Variants in AIG1 observed in about 807,000 individuals in gnomAD.
AIG1 encodes androgen-induced gene 1 protein.
A neutral mutation model predicts 31.4 loss-of-function variants in AIG1; 23 were observed. The observed-to-expected ratio is 0.73, with a 90% CI of 0.53 to 1.04. The LOEUF is 1.04. Among genes scored for constraint, AIG1 ranks in the 50% least tolerant of loss-of-function variants. AIG1 has a pLI of 0.00. For missense variants in AIG1, 274 were observed against 295.0 expected, an observed-to-expected ratio of 0.93 and a Z score of 0.52; for synonymous variants, 100 against 110.5, an observed-to-expected ratio of 0.90 and a Z score of 0.60.
intron 3 of AIG1, among the ~76,000 whole-genome samples, chr6:143,181,913 A>G (rs1366305666): frequency 6.6e-6 from 1 of 152,238 alleles, no homozygotes; most frequent in African/African-American, 2.4e-5. Flanking sequence ...ATGTTCTAGC[A>G]TAAAGAAAGC....
At chr6:143,150,663 C>A (rs536471009) in intron 2 of AIG1, among the ~76,000 whole-genome samples, 1 of 151,936 alleles carries the variant, frequency 6.6e-6, no homozygotes, top group Non-Finnish European at 1.5e-5. Flanking sequence ...TTTGATGAAC[C>A]ACATTTGTGC....
At chr6:143,240,366 A>T (rs771440548) in intron 3 of AIG1, among the ~76,000 whole-genome samples, 2 of 152,244 alleles carry the variant, frequency 1.3e-5, no homozygotes, top group Non-Finnish European at 2.9e-5. Flanking sequence ...TATAACTTTT[A>T]TATGTTACAT....
Position 143,321,971 on chromosome 6 carries a change from G to A in AIG1, c.516-11311G>A, listed in dbSNP as rs910923524. Reference sequence around the variant, plus strand: ...TCTGACACCTTCTAGGCGCCAATACGTATTTGTTGAATGAAAAAAATATAT... The same window carrying A: ...TCTGACACCTTCTAGGCGCCAATACATATTTGTTGAATGAAAAAAATATAT... On this transcript the variant is annotated intron_variant, in intron 4 of 5. Transcript: ENST00000357847. 6.4e-4 allele frequency among the ~76,000 whole-genome samples: 97 copies of A among 152,084 alleles called. 1 individual carries two copies. The highest frequency in any genetic ancestry group is 2.2e-3 in the African/African-American group (90 of 41,400).
rs115422360 is a variant in AIG1, at chr6:143,191,740, G to A, written c.399+26557G>A. Reference sequence around the variant, plus strand: ...AGAAAGGGAAAGGGAGAGGAAGGAAGGACACAAAACATTTTACTTTAGATT... The same window carrying A: ...AGAAAGGGAAAGGGAGAGGAAGGAAAGACACAAAACATTTTACTTTAGATT... On this transcript the variant is annotated intron_variant, in intron 3 of 5. Transcript: ENST00000357847. Among the ~76,000 whole-genome samples, 442 of 151,726 alleles carry A rather than the reference G, an allele frequency of 2.9e-3. 2 individuals are homozygous for A. The highest frequency in any genetic ancestry group is 0.01 in the African/African-American group (419 of 41,366).
chr6:143,128,969 T>C (rs1470602693), intron 1 of AIG1, among the ~76,000 whole-genome samples: 1 of 152,210 alleles, frequency 6.6e-6, no homozygotes, highest in African/African-American at 2.4e-5. Flanking sequence ...AACCCAAACA[T>C]GTCCTCTTTG....
At chr6:143,106,593 T>C (rs1780827516) in intron 1 of AIG1, among the ~76,000 whole-genome samples, 1 of 152,230 alleles carries the variant, frequency 6.6e-6, no homozygotes. Context: ...AGTAGATATG[T>C]TGATTTCTGC....
intron 4 of AIG1, among the ~76,000 whole-genome samples, chr6:143,315,214 C>G (rs541270822): frequency 6.6e-6 from 1 of 151,942 alleles, no homozygotes; most frequent in African/African-American, 2.4e-5. Context: ...GGGGTAAATG[C>G]GACAGCTGCA....
chr6:143,098,184 T>C (rs1779959438), intron 1 of AIG1, among the ~76,000 whole-genome samples: 1 of 152,208 alleles, frequency 6.6e-6, no homozygotes, highest in Admixed American at 6.5e-5. Flanking sequence ...TCACTTCCTC[T>C]TCCTCCATTC....
chr6:143,139,862 A>G (rs914245934), intron 2 of AIG1, among the ~76,000 whole-genome samples: 15 of 152,230 alleles, frequency 9.9e-5, no homozygotes, highest in Non-Finnish European at 5.9e-5. Flanking sequence ...TTGAGGCCAA[A>G]AAAAGCCTGA....
At chr6:143,255,126 G>A (rs1227991507) in intron 3 of AIG1, among the ~76,000 whole-genome samples, 1 of 152,142 alleles carries the variant, frequency 6.6e-6, no homozygotes, top group Non-Finnish European at 1.5e-5. Context: ...CTGCATAGAA[G>A]AGCCCCTTAC....
At chr6:143,206,636 C>T (rs547173761) in intron 3 of AIG1, among the ~76,000 whole-genome samples, 22 of 152,206 alleles carry the variant, frequency 1.4e-4, no homozygotes, top group African/African-American at 5.3e-4. Context: ...TCTTTTAACC[C>T]TCTACAACTT....
At chr6:143,260,315 T>C (rs9403471) in intron 3 of AIG1, among the ~76,000 whole-genome samples, 1,571 of 152,336 alleles carry the variant, frequency 0.01, 44 homozygotes, top group East Asian at 0.065. Flanking sequence ...CCACCGCATC[T>C]GGCGGGTCTT....
At chr6:143,294,158 C>T (rs1798259833) in intron 4 of AIG1, among the ~76,000 whole-genome samples, 1 of 152,176 alleles carries the variant, frequency 6.6e-6, no homozygotes, top group Admixed American at 6.5e-5. Flanking sequence ...CCTGGGACCC[C>T]ATTCATGCCC....
intron 4 of AIG1, among the ~76,000 whole-genome samples, chr6:143,320,544 C>T (rs932639314): frequency 6.6e-6 from 1 of 152,156 alleles, no homozygotes; most frequent in Admixed American, 6.5e-5. Flanking sequence ...ATAAATCCTT[C>T]CATTTGCTAA....
intron 3 of AIG1, among the ~76,000 whole-genome samples, chr6:143,214,497 A>G (rs1791846767): frequency 6.6e-6 from 1 of 152,200 alleles, no homozygotes; most frequent in Non-Finnish European, 1.5e-5. Context: ...GTGCAACAAT[A>G]CAAGGTCATA....
At chr6:143,285,749 T>C (rs1426833215) in intron 4 of AIG1, among the ~76,000 whole-genome samples, 1 of 152,180 alleles carries the variant, frequency 6.6e-6, no homozygotes, top group Non-Finnish European at 1.5e-5. Context: ...AATTACTTTC[T>C]AAGTTTTTTG....
rs1388901757 is a variant in AIG1, at chr6:143,293,513, A to T, written c.515+9288A>T. The stretch of plus-strand genomic sequence containing the variant: ...TGGGCAGTTGAAAGCCTGACAACAG[A>T]GAGTATGTCTTGCCCTTGGTGCCTG... On this transcript the variant is annotated intron_variant, in intron 4 of 5. Coordinates refer to ENST00000357847, the MANE Select transcript of AIG1 (RefSeq NM_016108.4). The surrounding 1 kb of genome is among the most constrained non-coding windows in gnomAD (Gnocchi z 4.8). 6.6e-6 allele frequency among the ~76,000 whole-genome samples: 1 copy of T among 152,184 alleles called. No homozygotes were observed. The highest frequency in any genetic ancestry group is 1.5e-5 in the Non-Finnish European group (1 of 68,034).
At chr6:143,135,749 G>A (rs1218576051) in intron 1 of AIG1, among the ~76,000 whole-genome samples, 1 of 152,142 alleles carries the variant, frequency 6.6e-6, no homozygotes, top group Non-Finnish European at 1.5e-5. Flanking sequence ...TATCCACAGA[G>A]CTTTCACAGA....
At position 143,331,987 on chromosome 6, in the gene AIG1, T is replaced by G. The variant is rs1193289670; in HGVS notation, c.516-1295T>G. Among the ~76,000 whole-genome samples the G allele has an allele frequency of 6.6e-6, 1 of 151,724 alleles. No homozygotes were observed. Among genetic ancestry groups the G allele is most frequent in the African/African-American group, 2.4e-5 (1 of 41,276 alleles). On this transcript the variant is annotated intron_variant, in intron 4 of 5. Coordinates refer to ENST00000357847, the MANE Select transcript of AIG1 (RefSeq NM_016108.4). The surrounding 1 kb of genome is among the most constrained non-coding windows in gnomAD (Gnocchi z 4.1). ...CCCAGGGTCAAGTGATGCTTGTGCC[T>G]CAGCCTCCCGAGTAGCTGGGATTAC...
Sources: allele counts gnomAD v4.1 joint callset (sites outside exome capture counted in the v4.1 genomes callset), GRCh38; gene constraint gnomAD v4.1.1; non-coding constraint Gnocchi (gnomAD v3.1); transcripts MANE v1.5; gene names NCBI Gene and HGNC (gene_info 2026-07-23, HGNC 2026-07-21).